PXK: variants seen among roughly 807,000 people sequenced by gnomAD.
PXK encodes PX domain-containing protein kinase-like protein.
Under a neutral mutation model 84.7 loss-of-function variants are expected in PXK, and 35 were observed. The ratio of observed to expected loss-of-function variants is 0.41; its 90% CI spans 0.32 to 0.55. PXK has a LOEUF of 0.55. Ranked by LOEUF, PXK falls within the 20% of genes least tolerant of loss-of-function variation. PXK has a pLI of 0.21. For synonymous variants in PXK, 253 were observed against 260.8 expected, an observed-to-expected ratio of 0.97 and a Z score of 0.29; for missense variants, 634 against 699.7, an observed-to-expected ratio of 0.91 and a Z score of 1.06.
intron 3 of PXK, among the ~76,000 whole-genome samples, chr3:58,373,278 C>T (rs2098403081): frequency 1.4e-5 from 2 of 142,282 alleles, no homozygotes; most frequent in Admixed American, 1.4e-4. Flanking sequence ...TGGGATTTCA[C>T]TGTGTTAGCC....
At chr3:58,334,169 C>T (rs1446934858) in intron 1 of PXK, among the ~76,000 whole-genome samples, 1 of 152,168 alleles carries the variant, frequency 6.6e-6, no homozygotes, top group Non-Finnish European at 1.5e-5. Context: ...TTCAAAGAGA[C>T]CTTTTATTCT....
intron 1 of PXK, among the ~76,000 whole-genome samples, chr3:58,350,374 A>G (rs989000386): frequency 6.6e-6 from 1 of 151,920 alleles, no homozygotes; most frequent in Non-Finnish European, 1.5e-5. Flanking sequence ...TGAGAGCTCT[A>G]TTGCTATAGT....
intron 17 of PXK, among the ~76,000 whole-genome samples, chr3:58,424,026 A>G (rs1480997808): frequency 6.6e-6 from 1 of 152,204 alleles, no homozygotes; most frequent in Non-Finnish European, 1.5e-5. Flanking sequence ...TTGGGCCACA[A>G]TGGAGAGAAC....
intron 1 of PXK, among the ~76,000 whole-genome samples, chr3:58,363,743 T>C (rs2098227022): frequency 6.6e-6 from 1 of 152,236 alleles, no homozygotes; most frequent in Admixed American, 6.5e-5. Flanking sequence ...CGTTTATTTC[T>C]TTTCCTATTT....
intron 1 of PXK, among the ~76,000 whole-genome samples, chr3:58,351,051 T>C (rs1372443670): frequency 6.6e-6 from 1 of 152,120 alleles, no homozygotes; most frequent in Non-Finnish European, 1.5e-5. Flanking sequence ...ATCTTCTGTT[T>C]TCCCAGTCTC....
At chr3:58,349,939 C>T (rs989358961) in intron 1 of PXK, among the ~76,000 whole-genome samples, 11 of 152,198 alleles carry the variant, frequency 7.2e-5, no homozygotes, top group African/African-American at 2.7e-4. Flanking sequence ...TTTGTGACTA[C>T]TGAGTCCCAG....
At chr3:58,410,670 C>T (rs1194046402) in intron 16 of PXK, among the ~76,000 whole-genome samples, 1 of 152,200 alleles carries the variant, frequency 6.6e-6, no homozygotes, top group Non-Finnish European at 1.5e-5. Flanking sequence ...CTCCCAGCTG[C>T]CCTTCACCCA....
chr3:58,373,244 A>C (rs1231782628), intron 3 of PXK, among the ~76,000 whole-genome samples: 2 of 151,892 alleles, frequency 1.3e-5, no homozygotes, highest in African/African-American at 4.8e-5. Context: ...ATGCCCGGCT[A>C]ATTTTTTGTA....
Position 58,407,650 on chromosome 3 carries a change from C to T in PXK, c.1231-1274C>T, listed in dbSNP as rs187846328. Among the ~76,000 whole-genome samples, 105 of 152,244 alleles carry T rather than the reference C, an allele frequency of 6.9e-4. 1 individual carries two copies. Among genetic ancestry groups the T allele is most frequent in the Non-Finnish European group, 1.3e-3 (90 of 68,006 alleles). On this transcript the variant is annotated intron_variant, in intron 13 of 17. Coordinates refer to ENST00000356151, the MANE Select transcript of PXK (RefSeq NM_017771.5). The surrounding 1 kb of genome is among the most constrained non-coding windows in gnomAD (Gnocchi z 4.3). ...ATCTCAGCTCACTGCAACCTCCGCCCTCCCAGGTTCAAGTGATCTTCCTGC... is the reference window on the plus strand; with the variant it reads ...ATCTCAGCTCACTGCAACCTCCGCCTTCCCAGGTTCAAGTGATCTTCCTGC...
chr3:58,391,030 C>T lies in PXK; in HGVS notation c.467-117C>T, dbSNP rs2098625407. 4 of 703,890 alleles carry T rather than the reference C, an allele frequency of 5.7e-6. No individual in the cohort carries two copies. In the Admixed American group the frequency reaches 6.7e-5, roughly 12 times the overall value. 43.6% of individuals were successfully genotyped at this position (703,890 alleles called of 1,614,324 possible). ...TATCAAATGGTTCTTTTACTTGTGCCTATGTAGCTGCGAATAATATTGCCA... is the reference window on the plus strand; with the variant it reads ...TATCAAATGGTTCTTTTACTTGTGCTTATGTAGCTGCGAATAATATTGCCA... On this transcript the variant is annotated intron_variant, in intron 5 of 17. Transcript: ENST00000356151.
chr3:58,386,290 CTT>C (rs752411806), intron 4 of PXK, among the ~76,000 whole-genome samples: 50 of 82,246 alleles, frequency 6.1e-4, no homozygotes, highest in African/African-American at 1.8e-3. Flanking sequence ...ATCCCCCTTA[CTT>C]TTTTTTTTTT....
At chr3:58,406,506 G>T (rs776697995) in intron 13 of PXK, among the ~76,000 whole-genome samples, 2 of 145,358 alleles carry the variant, frequency 1.4e-5, no homozygotes, top group Non-Finnish European at 3.0e-5. Flanking sequence ...TGAACTCTTG[G>T]CCCCAAGTGG....
intron 4 of PXK, among the ~76,000 whole-genome samples, chr3:58,388,033 G>A (rs994035885): frequency 6.6e-6 from 1 of 152,220 alleles, no homozygotes; most frequent in South Asian, 2.1e-4. Context: ...TTTGGGCAAG[G>A]AAGTGGGGAA....
intron 1 of PXK, among the ~76,000 whole-genome samples, chr3:58,363,734 G>T (rs1423961457): frequency 1.3e-5 from 2 of 152,054 alleles, no homozygotes; most frequent in African/African-American, 4.8e-5. Flanking sequence ...TCTATATGCC[G>T]TTTATTTCTT....
chr3:58,345,044 G>A (rs1003402028), intron 1 of PXK, among the ~76,000 whole-genome samples: 5 of 152,286 alleles, frequency 3.3e-5, no homozygotes, highest in Middle Eastern at 3.4e-3. Flanking sequence ...AGTCTTCTGC[G>A]TGCCAGGCAC....
chr3:58,397,422 C>G lies in PXK; in HGVS notation c.985-183C>G, dbSNP rs549128391. ...CACTGATTGGAAAACTGTGGAGGGT[C>G]GGACCAAGACCTTTGGGATACCTCA... On this transcript the variant is annotated intron_variant, in intron 10 of 17. Coordinates refer to ENST00000356151, the MANE Select transcript of PXK (RefSeq NM_017771.5). This position sits in a 1 kb window ranked among gnomAD's most constrained non-coding sequence, Gnocchi z 4.7. Among the ~76,000 whole-genome samples, 3 of 152,132 alleles carry G rather than the reference C, an allele frequency of 2.0e-5. No individual in the cohort carries two copies. In the South Asian group the frequency reaches 6.2e-4, roughly 32 times the overall value.
intron 1 of PXK, among the ~76,000 whole-genome samples, chr3:58,352,576 T>C (rs761552364): frequency 1.3e-5 from 2 of 152,238 alleles, no homozygotes; most frequent in Non-Finnish European, 2.9e-5. Flanking sequence ...TAAAGTTTGG[T>C]ATTTTTTTTC....
chr3:58,363,991 C>T (rs1173855403), intron 1 of PXK, among the ~76,000 whole-genome samples: 2 of 152,108 alleles, frequency 1.3e-5, no homozygotes, highest in East Asian at 1.9e-4. Context: ...TCATTTGATA[C>T]GATCACATGA....
At chr3:58,391,247 C>A in intron 6 of PXK, 27 bp downstream of exon 6, 1 of 1,577,802 alleles carries the variant, frequency 6.3e-7, no homozygotes, top group Non-Finnish European at 8.7e-7. Flanking sequence ...CTTTGGTCTC[C>A]TTCAGTGACT....
Sources: allele counts gnomAD v4.1 joint callset (sites outside exome capture counted in the v4.1 genomes callset), GRCh38; gene constraint gnomAD v4.1.1; non-coding constraint Gnocchi (gnomAD v3.1); transcripts MANE v1.5; gene names NCBI Gene and HGNC (gene_info 2026-07-23, HGNC 2026-07-21).